MOB3B: variants seen among roughly 807,000 people sequenced by gnomAD.
The protein encoded by MOB3B is MOB kinase activator 3B.
A neutral mutation model predicts 18.7 loss-of-function variants in MOB3B; 7 were observed. The ratio of observed to expected loss-of-function variants is 0.37; its 90% confidence interval spans 0.21 to 0.70. The LOEUF is 0.70. Among genes scored for constraint, MOB3B ranks in the 30% least tolerant of loss-of-function variants. The probability of loss-of-function intolerance (pLI) is 0.52; values close to 1 mark genes in which losing one functional copy is unlikely to be tolerated. For synonymous variants in MOB3B, 111 were observed against 99.9 expected (o/e 1.11, Z -0.66); for missense variants, 253 against 281.3 (o/e 0.90, Z 0.72).
chr9:27,411,080 T>C (rs894702351), intron 2 of MOB3B, among the ~76,000 whole-genome samples: 1 of 152,234 alleles, frequency 6.6e-6, no homozygotes, highest in East Asian at 1.9e-4. Context: ...CATATATGCA[T>C]AGAATTCTTA....
chr9:27,436,530 G>C (rs1413878506), intron 2 of MOB3B, among the ~76,000 whole-genome samples: 2 of 152,188 alleles, frequency 1.3e-5, no homozygotes, highest in African/African-American at 4.8e-5. Context: ...TTTGCTGACT[G>C]TCTGATTGGC....
chr9:27,424,140 A>G (rs557942243), intron 2 of MOB3B, among the ~76,000 whole-genome samples: 339 of 152,354 alleles, frequency 2.2e-3, no homozygotes, highest in Non-Finnish European at 3.6e-3. Context: ...ACTCACATAG[A>G]GTTAGCCTCT....
intron 1 of MOB3B, among the ~76,000 whole-genome samples, chr9:27,495,407 A>G (rs1322930568): frequency 6.6e-6 from 1 of 152,106 alleles, no homozygotes; most frequent in Non-Finnish European, 1.5e-5. Flanking sequence ...GTCAGGAGGG[A>G]CCGTGAGGCA....
At chr9:27,399,647 T>C (rs1821847622) in intron 2 of MOB3B, among the ~76,000 whole-genome samples, 1 of 152,196 alleles carries the variant, frequency 6.6e-6, no homozygotes, top group Non-Finnish European at 1.5e-5. Flanking sequence ...TGCACGTCTC[T>C]GAACCCATCC....
At chr9:27,480,365 T>A (rs746488274) in intron 1 of MOB3B, among the ~76,000 whole-genome samples, 1 of 151,494 alleles carries the variant, frequency 6.6e-6, no homozygotes, top group African/African-American at 2.4e-5. Context: ...AGTGACGCGA[T>A]CTCGGCTCAC....
At chr9:27,338,546 G>A (rs567814559) in intron 3 of MOB3B, among the ~76,000 whole-genome samples, 4 of 152,046 alleles carry the variant, frequency 2.6e-5, no homozygotes, top group South Asian at 4.1e-4. Context: ...GGAAATCCCC[G>A]GAAAAAGAGA....
At chr9:27,497,110 T>C (rs541466441) in intron 1 of MOB3B, among the ~76,000 whole-genome samples, 1 of 152,212 alleles carries the variant, frequency 6.6e-6, no homozygotes, top group South Asian at 2.1e-4. Flanking sequence ...TCTGAGTAGC[T>C]TCCCAGAAAG....
intron 2 of MOB3B, among the ~76,000 whole-genome samples, chr9:27,370,158 G>C (rs943693542): frequency 2.0e-5 from 3 of 152,082 alleles, no homozygotes; most frequent in Admixed American, 1.3e-4. Flanking sequence ...TGGGGCCTTT[G>C]GGAGGTGATT....
chr9:27,464,351 G>A (rs766665958), intron 1 of MOB3B, among the ~76,000 whole-genome samples: 5 of 152,174 alleles, frequency 3.3e-5, no homozygotes, highest in Non-Finnish European at 7.4e-5. Context: ...TCAGTGATTT[G>A]ATAATGAGTT....
intron 1 of MOB3B, chr9:27,526,302 A>C (rs1164383006): frequency 6.6e-6 from 1 of 152,172 alleles, no homozygotes; most frequent in Admixed American, 6.5e-5. Context: ...GCAGGCTATC[A>C]GCAGAAGGAT....
chr9:27,430,230 C>A (rs1319044870), intron 2 of MOB3B, among the ~76,000 whole-genome samples: 6 of 152,178 alleles, frequency 3.9e-5, no homozygotes, highest in Non-Finnish European at 7.3e-5. Flanking sequence ...AAGGGATTGG[C>A]AACCGAGCCC....
rs544892740 is a variant in MOB3B at position 27,425,434 on chromosome 9, G to C, written c.418+29699C>G. ...AAACAAAGTCACTGGGGGCAGATCTGTTTCTAAAATTCAGGATTTCTCAGA... is the reference window on the plus strand; with the variant it reads ...AAACAAAGTCACTGGGGGCAGATCTCTTTCTAAAATTCAGGATTTCTCAGA... On this transcript the variant is annotated intron_variant, in intron 2 of 3. Transcript: ENST00000262244. Among the ~76,000 whole-genome samples, 38 of 151,642 alleles carry C rather than the reference G, an allele frequency of 2.5e-4. No individual in the cohort carries two copies. The South Asian group carries it at 7.3e-3, about 29-fold the overall frequency.
intron 3 of MOB3B, among the ~76,000 whole-genome samples, chr9:27,339,736 G>A (rs1048342823): frequency 5.3e-5 from 8 of 152,198 alleles, no homozygotes; most frequent in African/African-American, 1.9e-4. Context: ...ACTATATCCT[G>A]AGCCATCGTG....
At chr9:27,385,399 A>G (rs894244167) in intron 2 of MOB3B, among the ~76,000 whole-genome samples, 1 of 152,098 alleles carries the variant, frequency 6.6e-6, no homozygotes, top group African/African-American at 2.4e-5. Flanking sequence ...GTAGGTCAGG[A>G]CTGACTGGTG....
chr9:27,405,157 G>A (rs2131396389), intron 2 of MOB3B, among the ~76,000 whole-genome samples: 1 of 123,848 alleles, frequency 8.1e-6, no homozygotes, highest in East Asian at 2.7e-4. Flanking sequence ...GCCCAGGCTG[G>A]AGTGCAGTGG....
intron 1 of MOB3B, among the ~76,000 whole-genome samples, chr9:27,489,994 A>G (rs1221607973): frequency 6.6e-6 from 1 of 152,162 alleles, no homozygotes; most frequent in East Asian, 1.9e-4. Flanking sequence ...AAAGTTCAAA[A>G]GAGCCAATGT....
intron 1 of MOB3B, among the ~76,000 whole-genome samples, chr9:27,527,450 G>A (rs1379985730): frequency 6.6e-6 from 1 of 152,108 alleles, no homozygotes; most frequent in Non-Finnish European, 1.5e-5. Context: ...TCTATGTGTC[G>A]CATTCCTGGC....
intron 1 of MOB3B, among the ~76,000 whole-genome samples, chr9:27,468,726 G>A (rs1819425608): frequency 6.6e-6 from 1 of 152,202 alleles, no homozygotes; most frequent in South Asian, 2.1e-4. Flanking sequence ...GTTAAACTGT[G>A]TATCTAAATG....
At chr9:27,369,890 C>A (rs558230753) in intron 2 of MOB3B, among the ~76,000 whole-genome samples, 26 of 152,170 alleles carry the variant, frequency 1.7e-4, no homozygotes, top group African/African-American at 6.0e-4. Flanking sequence ...TCATAACACC[C>A]GCTGCTTCTT....
Sources: allele counts gnomAD v4.1 joint callset (sites outside exome capture counted in the v4.1 genomes callset), GRCh38; gene constraint gnomAD v4.1.1; transcripts MANE v1.5; gene names NCBI Gene and HGNC (gene_info 2026-07-23, HGNC 2026-07-21).